The following GNA13 variants were observed in gnomAD, a reference collection of about 807,000 sequenced individuals.
GNA13 encodes the protein G protein subunit alpha 13.
Under a neutral mutation model 33.5 loss-of-function variants are expected in GNA13, and 4 were observed. The ratio of observed to expected loss-of-function variants is 0.12; its 90% CI spans 0.06 to 0.27. The LOEUF (loss-of-function observed/expected upper bound fraction) is 0.27, where lower values mean the gene tolerates loss of function less well. Among genes scored for constraint, GNA13 ranks in the 10% least tolerant of loss-of-function variants. The probability of loss-of-function intolerance (pLI) is 1.00; values close to 1 mark genes in which losing one functional copy is unlikely to be tolerated. For missense variants in GNA13, 319 were observed against 487.2 expected (o/e 0.65, Z 3.25); for synonymous variants, 176 against 183.8 (o/e 0.96, Z 0.34).
At chr17:65,051,396 A>T (rs1907853073) in intron 2 of GNA13, among the ~76,000 whole-genome samples, 1 of 152,172 alleles carries the variant, frequency 6.6e-6, no homozygotes, top group South Asian at 2.1e-4. Context: ...CAGGCAGATC[A>T]CCTGAGGTCA....
rs534578377 is a variant in GNA13 at position 65,015,460 on chromosome 17, A to G, written c.562-631T>C. 3.9e-5 allele frequency among the ~76,000 whole-genome samples: 6 copies of G among 152,024 alleles called. No homozygotes were observed. In the South Asian group the frequency reaches 8.3e-4, roughly 21 times the overall value. On this transcript the variant is annotated intron_variant, in intron 3 of 3. Coordinates refer to ENST00000439174, the MANE Select transcript of GNA13 (RefSeq NM_006572.6). Reference sequence around the variant, plus strand: ...GGCAGATCACGAGGTCAGGAGATTGAGACCATCCTGGCTAACACAGTGAAA... The same window carrying G: ...GGCAGATCACGAGGTCAGGAGATTGGGACCATCCTGGCTAACACAGTGAAA...
Position 65,010,551 on chromosome 17 carries a change from C to T in GNA13, c.*3706G>A, listed in dbSNP as rs1051598688. Reference sequence around the variant, plus strand: ...GTGCTTTTAGTCAAGCAGCACAACACAAGGACAGATCATCTGTGATTAACA... The same window carrying T: ...GTGCTTTTAGTCAAGCAGCACAACATAAGGACAGATCATCTGTGATTAACA... On this transcript the variant is annotated 3_prime_UTR_variant, in exon 4 of 4. Coordinates refer to ENST00000439174, the MANE Select transcript of GNA13 (RefSeq NM_006572.6). 3.9e-5 allele frequency among the ~76,000 whole-genome samples: 6 copies of T among 152,120 alleles called. No individual in the cohort carries two copies. Among genetic ancestry groups the T allele is most frequent in the Non-Finnish European group, 8.8e-5 (6 of 68,020 alleles).
intron 3 of GNA13, among the ~76,000 whole-genome samples, chr17:65,017,175 C>T (rs1017798966): frequency 1.3e-5 from 2 of 152,198 alleles, no homozygotes; most frequent in African/African-American, 4.8e-5. Flanking sequence ...TTACAACATA[C>T]ACCTATGCCA....
intron 2 of GNA13, among the ~76,000 whole-genome samples, chr17:65,020,207 T>C (rs1308046877): frequency 2.0e-5 from 3 of 152,236 alleles, no homozygotes; most frequent in African/African-American, 7.2e-5. Context: ...AATATTTTTT[T>C]CTTAACAATT....
At position 65,012,636 on chromosome 17, in the gene GNA13, C is replaced by G. The variant is rs1906235013; in HGVS notation, c.*1621G>C. On this transcript the variant is annotated 3_prime_UTR_variant, in exon 4 of 4. Transcript: ENST00000439174. ...TGTCAAGAACAATCCCTGGTTAGTTCACTGAAAAGCCCCACTCTCGTATCA... is the reference window on the plus strand; with the variant it reads ...TGTCAAGAACAATCCCTGGTTAGTTGACTGAAAAGCCCCACTCTCGTATCA... The G allele has an allele frequency of 8.7e-6, 2 of 229,684 alleles. No individual in the cohort carries two copies. Among genetic ancestry groups the G allele is most frequent in the African/African-American group, 4.4e-5 (2 of 45,090 alleles). The allele number at this position is 229,684 out of a possible 1,614,324, so 14.2% of individuals were successfully genotyped here.
chr17:65,034,664 A>G (rs1907178897), intron 2 of GNA13, among the ~76,000 whole-genome samples: 2 of 152,210 alleles, frequency 1.3e-5, no homozygotes, highest in African/African-American at 4.8e-5. Flanking sequence ...AAATGTTAAC[A>G]CAAAATGTAC....
chr17:65,048,223 T>C (rs1907737825), intron 2 of GNA13, among the ~76,000 whole-genome samples: 1 of 152,156 alleles, frequency 6.6e-6, no homozygotes. Flanking sequence ...AATAAGTGAA[T>C]ATAAATTAAA....
At chr17:65,042,467 T>G (rs2143815703) in intron 2 of GNA13, among the ~76,000 whole-genome samples, 1 of 151,814 alleles carries the variant, frequency 6.6e-6, no homozygotes, top group East Asian at 1.9e-4. Flanking sequence ...CTGGGCACGG[T>G]GGCTCAAGCC....
intron 3 of GNA13, among the ~76,000 whole-genome samples, chr17:65,015,062 A>T (rs1025861767): frequency 1.3e-5 from 2 of 151,674 alleles, no homozygotes; most frequent in South Asian, 2.1e-4. Flanking sequence ...CGAAGCCAGG[A>T]GTTTGAGAAT....
chr17:65,034,178 A>G (rs183408671), intron 2 of GNA13, among the ~76,000 whole-genome samples: 35 of 152,234 alleles, frequency 2.3e-4, no homozygotes, highest in African/African-American at 7.7e-4. Context: ...TATCTCACTT[A>G]GATAAGTTAT....
chr17:65,049,671 A>T (rs562423834), intron 2 of GNA13, among the ~76,000 whole-genome samples: 2 of 152,294 alleles, frequency 1.3e-5, no homozygotes, highest in South Asian at 4.1e-4. Context: ...ATAAAGAGAC[A>T]CAGCCCCTAA....
chr17:65,036,577 G>C (rs1327846867), intron 2 of GNA13, among the ~76,000 whole-genome samples: 1 of 152,210 alleles, frequency 6.6e-6, no homozygotes, highest in East Asian at 1.9e-4. Flanking sequence ...GTTGTGGTGC[G>C]TGCCTGTAGT....
Position 65,052,413 on chromosome 17 carries a change from C to T in GNA13, c.510+1089G>A, listed in dbSNP as rs571585862. Among the ~76,000 whole-genome samples the T allele has an allele frequency of 3.3e-5, 5 of 152,340 alleles. No homozygotes were observed. In the East Asian group the frequency reaches 7.7e-4, roughly 24 times the overall value. ...AGGTGATCCACCCGCCTCAGACTCC[C>T]AAAGTGCTGGGATTACAGGCATGAG... On this transcript the variant is annotated intron_variant, in intron 2 of 3. Coordinates refer to ENST00000439174, the MANE Select transcript of GNA13 (RefSeq NM_006572.6).
chr17:65,015,659 T>C (rs1221549174), intron 3 of GNA13, among the ~76,000 whole-genome samples: 1 of 92,386 alleles, frequency 1.1e-5, no homozygotes, highest in East Asian at 3.5e-4. Context: ...CAAGACTTTG[T>C]CTTAAAAAAA....
In GNA13 at chr17:65,011,996, A is replaced by C. The variant is rs566434115; in HGVS notation, c.*2261T>G. 15 of 227,718 alleles carry C rather than the reference A, an allele frequency of 6.6e-5. No homozygotes were observed. Among genetic ancestry groups the C allele is most frequent in the Non-Finnish European group, 1.2e-4 (14 of 114,616 alleles). The allele number at this position is 227,718 out of a possible 1,614,324, so 14.1% of individuals were successfully genotyped here. A position where few individuals can be genotyped will look rare whatever the true frequency, so the allele number is the denominator to read the frequency against. ...ATGTCAAAACAAGCCTAAGTTGAAT[A>C]TAAGTAATTCATTGCCTCAAAATAT... is the stretch of plus-strand genomic sequence containing the variant. On this transcript the variant is annotated 3_prime_UTR_variant, in exon 4 of 4. Coordinates refer to ENST00000439174, the MANE Select transcript of GNA13 (RefSeq NM_006572.6).
chr17:65,023,033 G>A (rs1236645867), intron 2 of GNA13, among the ~76,000 whole-genome samples: 1 of 152,228 alleles, frequency 6.6e-6, no homozygotes, highest in East Asian at 1.9e-4. Flanking sequence ...AGTTTGAAGT[G>A]ACTGAAGAAC....
At chr17:65,029,480 G>A (rs1906921860) in intron 2 of GNA13, among the ~76,000 whole-genome samples, 1 of 152,216 alleles carries the variant, frequency 6.6e-6, no homozygotes, top group Admixed American at 6.5e-5. Context: ...GGTCAGGGAA[G>A]TTAGGTGGCT....
intron 2 of GNA13, among the ~76,000 whole-genome samples, chr17:65,050,030 G>A (rs563035343): frequency 1.2e-4 from 19 of 152,178 alleles, no homozygotes; most frequent in South Asian, 4.1e-4. Context: ...GTGGCCTAAT[G>A]AAATATATTG....
intron 2 of GNA13, among the ~76,000 whole-genome samples, chr17:65,021,454 A>T (rs757690347): frequency 1.3e-5 from 2 of 152,262 alleles, no homozygotes; most frequent in Non-Finnish European, 2.9e-5. Context: ...AGAAAAGCTA[A>T]GAACAAAAGT....
Sources: gnomAD v4.1 joint callset for allele counts (sites outside exome capture counted in the v4.1 genomes callset) on GRCh38, gnomAD v4.1.1 for gene constraint, MANE v1.5 for transcripts, NCBI Gene and HGNC (gene_info 2026-07-23, HGNC 2026-07-21) for gene names.